ABCA3: variants seen among roughly 807,000 people sequenced by gnomAD.
ABCA3 encodes phospholipid-transporting ATPase ABCA3.
ABCA3 carries 88 observed loss-of-function variants against 172.8 expected under a neutral mutation model. The observed-to-expected ratio is 0.51, with a 90% CI of 0.43 to 0.61. The LOEUF (loss-of-function observed/expected upper bound fraction) is 0.61. Ranked by LOEUF, ABCA3 falls within the 20% of genes least tolerant of loss-of-function variation. ABCA3 has a pLI of 0.00. For missense variants in ABCA3, 2,164 were observed against 2,301.0 expected, an observed-to-expected ratio of 0.94 and a Z score of 1.22; for synonymous variants, 1,066 against 983.8, an observed-to-expected ratio of 1.08 and a Z score of -1.56.
At chr16:2,329,496 C>T (rs1339881494) in intron 2 of ABCA3, among the ~76,000 whole-genome samples, 152 bp downstream of exon 2, 1 of 152,220 alleles carries the variant, frequency 6.6e-6, no homozygotes, top group Non-Finnish European at 1.5e-5. Flanking sequence ...GTTAGAGGAA[C>T]AGACAACCTC....
At chr16:2,301,335 C>A (rs542008577) in intron 12 of ABCA3, among the ~76,000 whole-genome samples, 1 of 152,050 alleles carries the variant, frequency 6.6e-6, no homozygotes, top group African/African-American at 2.4e-5. Flanking sequence ...TTACCTCTAA[C>A]GGTCAGTGTC....
chr16:2,308,733 T>C, intron 10 of ABCA3, 110 bp from the exon 11 acceptor site: 1 of 1,260,688 alleles, frequency 7.9e-7, no homozygotes. Flanking sequence ...CCACCCAACC[T>C]GCTCCTGGCA....
At position 2,297,929 on chromosome 16, in the gene ABCA3, G is replaced by A. The variant is rs369234419; in HGVS notation, c.1897-8C>T. ...ACGTGACAGGCCCTTCAGCTGCAAC[G>A]ACAGGGGACGCAGGGAGATGCAGGG... On this transcript the variant is annotated splice_region_variant and splice_polypyrimidine_tract_variant and intron_variant, in intron 15 of 32. Coordinates refer to ENST00000301732, the MANE Select transcript of ABCA3 (RefSeq NM_001089.3). This position sits in a 1 kb window ranked among gnomAD's most constrained non-coding sequence, Gnocchi z 5.6. 3.8e-5 allele frequency: 61 copies of A among 1,613,280 alleles called. No individual in the cohort carries two copies. The highest frequency in any genetic ancestry group is 1.6e-4 in the South Asian group (15 of 91,052).
chr16:2,297,905 C>A lies in ABCA3; in HGVS notation c.1913G>T (p.Arg638Leu), dbSNP rs145269995. The change falls in exon 16 of 33, where the codon CGT becomes CTT. Residue 638 changes from arginine to leucine, a missense_variant. Arg to Leu is a moderately radical substitution (Grantham distance 102). Around this residue, in one of 3 missense-constraint regions of ABCA3, gnomAD observed 1,343 missense variants for 1,369.6 expected, o/e 0.98. Transcript: ENST00000301732. This position sits in a 1 kb window ranked among gnomAD's most constrained non-coding sequence, Gnocchi z 5.6. The part of the protein sequence containing the change: ...YFYAQLKGLS[R>L]QKCPEEVKQM... ...CTTGACTTCTTCAGGGCACTTCTGA[C>A]GTGACAGGCCCTTCAGCTGCAACGA... 2 of 1,613,712 alleles carry A rather than the reference C, an allele frequency of 1.2e-6. No individual in the cohort carries two copies. The highest frequency in any genetic ancestry group is 1.1e-5 in the South Asian group (1 of 91,078).
rs546453887 is a variant in ABCA3 at position 2,305,481 on chromosome 16, G to C, written c.1286-1331C>G. 5.9e-5 allele frequency among the ~76,000 whole-genome samples: 9 copies of C among 152,206 alleles called. No individual in the cohort carries two copies. The South Asian group carries it at 1.9e-3, about 32-fold the overall frequency. ...CCAGCTGATTTTTGTATTTTTAGTAGAGACGGAGTTTCACCATGTTGGCCA... is the reference window on the plus strand; with the variant it reads ...CCAGCTGATTTTTGTATTTTTAGTACAGACGGAGTTTCACCATGTTGGCCA... On this transcript the variant is annotated intron_variant, in intron 11 of 32. Transcript: ENST00000301732.
chr16:2,297,313 T>C lies in ABCA3; in HGVS notation c.2263+16A>G. On this transcript the variant is annotated intron_variant, in intron 17 of 32. Transcript: ENST00000301732. This position sits in a 1 kb window ranked among gnomAD's most constrained non-coding sequence, Gnocchi z 5.6. ...CCAGGACACCGACCCTGTCGCGGGC[T>C]GGCCCCACCGCTCACCGTATTTCTG... 1 of 1,608,676 alleles carries C rather than the reference T, an allele frequency of 6.2e-7. No homozygotes were observed. The highest frequency in any genetic ancestry group is 1.1e-5 in the South Asian group (1 of 90,970).
intron 6 of ABCA3, 101 bp from the exon 7 acceptor site, chr16:2,323,789 G>T: frequency 1.6e-6 from 2 of 1,289,134 alleles, no homozygotes; most frequent in Non-Finnish European, 2.2e-6. Context: ...TCACAGCCGA[G>T]AACTCACCAC....
chr16:2,279,161 C>T lies in ABCA3; in HGVS notation c.4360-31G>A, dbSNP rs753920014. ...GTCGGAGCATAGCCGGGGAGGGAGG[C>T]GGGTTGGAGGGAAGCCTCCTTCCTC... On this transcript the variant is annotated intron_variant, in intron 28 of 32. Transcript: ENST00000301732. The surrounding 1 kb of genome is among the most constrained non-coding windows in gnomAD (Gnocchi z 4.4). 9 of 1,605,800 alleles carry T rather than the reference C, an allele frequency of 5.6e-6. No individual in the cohort carries two copies. The highest frequency in any genetic ancestry group is 3.3e-5 in the South Asian group (3 of 90,972).
chr16:2,310,961 T>C (rs1170558372), intron 10 of ABCA3, among the ~76,000 whole-genome samples: 3 of 152,030 alleles, frequency 2.0e-5, no homozygotes, highest in African/African-American at 7.2e-5. Flanking sequence ...TTTACTCTTT[T>C]CTTTCTTTTC....
At position 2,278,649 on chromosome 16, in the gene ABCA3, G is replaced by C. The variant is rs150929; in HGVS notation, c.4548-191C>G. Among the ~76,000 whole-genome samples the C allele has an allele frequency of 3.3e-5, 5 of 152,044 alleles. No homozygotes were observed. Among genetic ancestry groups the C allele is most frequent in the Admixed American group, 2.0e-4 (3 of 15,282 alleles). ...AGGGCTGGAGGCCCCAGAGAAGGCTGTTCCCAGGGGCCCGGTGCACGCACC... is the reference window on the plus strand; with the variant it reads ...AGGGCTGGAGGCCCCAGAGAAGGCTCTTCCCAGGGGCCCGGTGCACGCACC... On this transcript the variant is annotated intron_variant, in intron 29 of 32. Transcript: ENST00000301732. The surrounding 1 kb of genome is among the most constrained non-coding windows in gnomAD (Gnocchi z 4.4).
chr16:2,296,808 C>T (rs1377194466), intron 17 of ABCA3, among the ~76,000 whole-genome samples: 1 of 152,186 alleles, frequency 6.6e-6, no homozygotes, highest in African/African-American at 2.4e-5. Flanking sequence ...GGGACGTGAA[C>T]TTGGGGGGTG....
chr16:2,289,260 G>A (rs1013167788), intron 20 of ABCA3, 174 bp downstream of exon 20: 4 of 721,560 alleles, frequency 5.5e-6, no homozygotes, highest in African/African-American at 3.5e-5. Context: ...CCATTCAAAC[G>A]CTTCTCCCTG....
Position 2,285,772 on chromosome 16 carries a change from G to T in ABCA3, c.3279-126C>A. 1 of 865,390 alleles carries T rather than the reference G, an allele frequency of 1.2e-6. No individual in the cohort carries two copies. The highest frequency in any genetic ancestry group is 1.9e-6 in the Non-Finnish European group (1 of 534,640). 53.6% of individuals were successfully genotyped at this position (865,390 alleles called of 1,614,324 possible). On this transcript the variant is annotated intron_variant, in intron 22 of 32. Transcript: ENST00000301732. The surrounding 1 kb of genome is among the most constrained non-coding windows in gnomAD (Gnocchi z 4.7). ...GCCCAACCACTAAAGGGGCTTATGG[G>T]AGAGCACAAGCACCATGGTTCCATA...
chr16:2,276,681 C>G lies in ABCA3; in HGVS notation c.5108G>C (p.Gly1703Ala). 1 of 1,613,394 alleles carries G rather than the reference C, an allele frequency of 6.2e-7. No homozygotes were observed. Among genetic ancestry groups the G allele is most frequent in the Non-Finnish European group, 8.5e-7 (1 of 1,180,034 alleles). Residue 1703 changes from glycine to alanine, a missense_variant, in exon 33 of 33, where the codon GGG becomes GCG. Gly to Ala is a moderately conservative substitution (Grantham distance 60). Around this residue, in one of 3 missense-constraint regions of ABCA3, gnomAD observed 795 missense variants for 881.9 expected, o/e 0.90. Coordinates refer to ENST00000301732, the MANE Select transcript of ABCA3 (RefSeq NM_001089.3). Reference protein sequence around the residue: ...AHLQPPTAEEGR With the variant: ...AHLQPPTAEEAR ...CGAGACAGCCGCCACCCCTCATCGCCCCTCCTCTGCGGTGGGCGGCTGCAG... is the reference window on the plus strand; with the variant it reads ...CGAGACAGCCGCCACCCCTCATCGCGCCTCCTCTGCGGTGGGCGGCTGCAG...
rs906376902 is a variant in ABCA3, at chr16:2,297,429, G to A, written c.2163C>T (p.His721=). 10 of 1,613,746 alleles carry A rather than the reference G, an allele frequency of 6.2e-6. No homozygotes were observed. The Admixed American group carries it at 1.0e-4, about 16-fold the overall frequency. The change falls in exon 17 of 33, where the codon CAC becomes CAT. Residue 721 remains histidine (H), a synonymous_variant. Coordinates refer to ENST00000301732, the MANE Select transcript of ABCA3 (RefSeq NM_001089.3). The surrounding 1 kb of genome is among the most constrained non-coding windows in gnomAD (Gnocchi z 5.6). ...KSDRTIVLTT[H]FMDEADLLGD... Reference sequence around the variant, plus strand: ...CCAGCAGGTCAGCCTCGTCCATGAAGTGGGTGGTCAGCACGATGGTGCGGT... The same window carrying A: ...CCAGCAGGTCAGCCTCGTCCATGAAATGGGTGGTCAGCACGATGGTGCGGT...
chr16:2,301,023 G>T (rs1301921706), intron 12 of ABCA3, among the ~76,000 whole-genome samples: 1 of 150,048 alleles, frequency 6.7e-6, no homozygotes, highest in East Asian at 1.9e-4. Context: ...GAGGTCAGGA[G>T]ATCGAGACCA....
At chr16:2,334,683 A>AT (rs2093748930) in intron 1 of ABCA3, among the ~76,000 whole-genome samples, 1 of 150,910 alleles carries the variant, frequency 6.6e-6, no homozygotes, top group South Asian at 2.1e-4. Flanking sequence ...CACCCAGCTA[A>AT]TTTTTTGTAT....
Position 2,285,269 on chromosome 16 carries a change from G to T in ABCA3, c.3483+173C>A, listed in dbSNP as rs1323540039. On this transcript the variant is annotated intron_variant, in intron 23 of 32. Coordinates refer to ENST00000301732, the MANE Select transcript of ABCA3 (RefSeq NM_001089.3). The surrounding 1 kb of genome is among the most constrained non-coding windows in gnomAD (Gnocchi z 4.7). ...CCATGCATGGAGGGTAAAGGCTGAG[G>T]GTGCAGGGAGGAGGCGAGGGGGCAG... Among the ~76,000 whole-genome samples, 3 of 152,334 alleles carry T rather than the reference G, an allele frequency of 2.0e-5. No individual in the cohort carries two copies. The highest frequency in any genetic ancestry group is 2.1e-4 in the South Asian group (1 of 4,834).
In ABCA3 at chr16:2,288,174, G is replaced by A. The variant is rs146956803; in HGVS notation, c.2856C>T (p.Asp952=). The A allele has an allele frequency of 7.6e-4, 1,224 of 1,608,008 alleles. 2 individuals carry two copies. Among genetic ancestry groups the A allele is most frequent in the Admixed American group, 1.2e-3 (72 of 59,206 alleles). Residue 952 remains aspartate (D), a synonymous_variant, in exon 21 of 33, where the codon GAC becomes GAT. Coordinates refer to ENST00000301732, the MANE Select transcript of ABCA3 (RefSeq NM_001089.3). The stretch of plus-strand genomic sequence containing the variant: ...CCAAGGTCAGCCTCAGCATGGGGTC[G>A]TCGAAGAGCTCCGAGGAGTAGTTGA... ...LAINYSSELF[D]DPMLRLTLGE...
Sources: gnomAD v4.1 joint callset for allele counts (sites outside exome capture counted in the v4.1 genomes callset) on GRCh38, gnomAD v4.1.1 for gene constraint, gnomAD v4.1.1 regional missense constraint, Gnocchi (gnomAD v3.1) non-coding constraint, MANE v1.5 for transcripts, NCBI Gene and HGNC (gene_info 2026-07-23, HGNC 2026-07-21) for gene names.